Variants in PDE1A observed in about 807,000 individuals in gnomAD.
PDE1A encodes the protein phosphodiesterase 1A, also known as dual specificity calcium/calmodulin-dependent 3',5'-cyclic nucleotide phosphodiesterase 1A.
PDE1A carries 35 observed loss-of-function variants against 61.7 expected under a neutral mutation model. That is an observed-to-expected ratio of 0.57 (90% CI 0.43 to 0.75). The LOEUF (loss-of-function observed/expected upper bound fraction) is 0.75. PDE1A is among the 30% of genes least tolerant of loss of function. The probability of loss-of-function intolerance (pLI) is 0.00; values close to 1 mark genes in which losing one functional copy is unlikely to be tolerated. For missense variants in PDE1A, 597 were observed against 630.6 expected (o/e 0.95, Z 0.57); for synonymous variants, 232 against 213.2 (o/e 1.09, Z -0.77).
chr2:182,386,723 G>A (rs1008154119), intron 1 of PDE1A, among the ~76,000 whole-genome samples: 40 of 151,998 alleles, frequency 2.6e-4, no homozygotes, highest in African/African-American at 7.5e-4. Flanking sequence ...GAGCGTCTCC[G>A]CCCGGCAGCC....
intron 6 of PDE1A, among the ~76,000 whole-genome samples, chr2:182,224,739 T>G (rs1159477322): frequency 1.3e-5 from 2 of 151,840 alleles, no homozygotes; most frequent in Non-Finnish European, 2.9e-5. Context: ...ACTGTTTAAG[T>G]TAAAAATAAA....
At chr2:182,362,052 G>A (rs552009506) in intron 1 of PDE1A, among the ~76,000 whole-genome samples, 6 of 152,104 alleles carry the variant, frequency 3.9e-5, no homozygotes, top group Admixed American at 1.3e-4. Flanking sequence ...TTCATTTTAT[G>A]AAAGAAAAAA....
At chr2:182,249,967 G>A (rs1691278109) in intron 2 of PDE1A, among the ~76,000 whole-genome samples, 1 of 152,156 alleles carries the variant, frequency 6.6e-6, no homozygotes, top group Non-Finnish European at 1.5e-5. Flanking sequence ...AATAGACTGA[G>A]GCACAGATGT....
chr2:182,170,992 T>G (rs1326772396), intron 13 of PDE1A, among the ~76,000 whole-genome samples: 1 of 152,078 alleles, frequency 6.6e-6, no homozygotes, highest in African/African-American at 2.4e-5. Flanking sequence ...TTCCCACCAA[T>G]TTTAAATGTT....
intron 2 of PDE1A, among the ~76,000 whole-genome samples, chr2:182,515,548 C>G (rs184748050): frequency 6.6e-6 from 1 of 152,316 alleles, no homozygotes; most frequent in East Asian, 1.9e-4. Context: ...GTTCTATAAA[C>G]TATAACATAA....
chr2:182,472,457 C>A (rs371349562), intron 2 of PDE1A, among the ~76,000 whole-genome samples: 1 of 151,762 alleles, frequency 6.6e-6, no homozygotes, highest in Admixed American at 6.6e-5. Context: ...ACAACTCAAA[C>A]ACAAAGACAA....
intron 2 of PDE1A, among the ~76,000 whole-genome samples, chr2:182,484,671 AAAAC>A (rs879130583): frequency 1.3e-5 from 2 of 152,080 alleles, no homozygotes; most frequent in Non-Finnish European, 2.9e-5. Context: ...TTGCAGGAGA[AAAAC>A]AAACAACCCC....
chr2:182,522,480 A>T, intron 1 of PDE1A: 1 of 1,559,946 alleles, frequency 6.4e-7, no homozygotes, highest in Non-Finnish European at 8.7e-7. Context: ...AGCCTCTCTT[A>T]TCTATCAAAA....
chr2:182,703,815 A>T, the PDE1A span, among the ~76,000 whole-genome samples: 3 of 152,202 alleles, frequency 2.0e-5, no homozygotes, highest in African/African-American at 7.2e-5. Flanking sequence ...AGTAAGGCAT[A>T]TTCCAGGCCA....
chr2:182,176,877 TGA>T (rs1450639774), intron 13 of PDE1A, among the ~76,000 whole-genome samples: 1 of 150,324 alleles, frequency 6.7e-6, no homozygotes, highest in Non-Finnish European at 1.5e-5. Flanking sequence ...CCTAATTTAT[TGA>T]GAGTTTTTAG....
At chr2:182,141,679 T>C (rs1690233139) in exon 15 of PDE1A, 1 of 152,248 alleles carries the variant, frequency 6.6e-6, no homozygotes, top group African/African-American at 2.4e-5. Context: ...CACTCAGGCT[T>C]AAAAGCTTCC....
intron 1 of PDE1A, among the ~76,000 whole-genome samples, chr2:182,420,136 G>C (rs540357009): frequency 1.3e-5 from 2 of 152,022 alleles, no homozygotes. Context: ...ATAATAATTG[G>C]ATGCAGCTGG....
At chr2:182,237,639 T>C (rs1298983478) in intron 3 of PDE1A, among the ~76,000 whole-genome samples, 1 of 152,098 alleles carries the variant, frequency 6.6e-6, no homozygotes, top group Non-Finnish European at 1.5e-5. Flanking sequence ...ATACAATATA[T>C]GATTACAAAC....
At chr2:182,438,581 G>C (rs1448489586) in intron 2 of PDE1A, among the ~76,000 whole-genome samples, 2 of 151,848 alleles carry the variant, frequency 1.3e-5, no homozygotes, top group African/African-American at 4.8e-5. Context: ...AGTTCATCAG[G>C]GGAAAATTAT....
At chr2:182,595,234 A>G in the PDE1A span, among the ~76,000 whole-genome samples, 1 of 152,180 alleles carries the variant, frequency 6.6e-6, no homozygotes, top group Non-Finnish European at 1.5e-5. Flanking sequence ...AGAAAAAAAC[A>G]TATTTCTTAT....
chr2:182,174,825 G>A (rs942424016), intron 13 of PDE1A, among the ~76,000 whole-genome samples: 4 of 151,766 alleles, frequency 2.6e-5, no homozygotes, highest in Non-Finnish European at 5.9e-5. Flanking sequence ...CACACGTGTC[G>A]TGGGGGTTTG....
At chr2:182,243,822 T>G (rs921294503) in intron 2 of PDE1A, among the ~76,000 whole-genome samples, 5 of 152,222 alleles carry the variant, frequency 3.3e-5, no homozygotes, top group African/African-American at 1.2e-4. Context: ...CATTTTGTCC[T>G]ATAAACATAT....
At chr2:182,149,487 T>A (rs1368131304) in intron 13 of PDE1A, among the ~76,000 whole-genome samples, 6 of 152,052 alleles carry the variant, frequency 3.9e-5, no homozygotes, top group Non-Finnish European at 8.8e-5. Context: ...TGAAAAAGGG[T>A]CTTCCTTGAA....
the PDE1A span, among the ~76,000 whole-genome samples, chr2:182,628,823 C>A: frequency 4.6e-5 from 7 of 152,098 alleles, no homozygotes; most frequent in African/African-American, 1.4e-4. Context: ...CTTGACCCCC[C>A]CAGTGATCCA....
Sources: gnomAD v4.1 joint callset for allele counts (sites outside exome capture counted in the v4.1 genomes callset) on GRCh38, gnomAD v4.1.1 for gene constraint, MANE v1.5 for transcripts, NCBI Gene and HGNC (gene_info 2026-07-23, HGNC 2026-07-21) for gene names.